Variants in ADA2 observed in about 807,000 individuals in gnomAD.
The protein encoded by ADA2 is adenosine deaminase CECR1.
ADA2 carries 29 observed loss-of-function variants against 44.2 expected under a neutral mutation model. The observed-to-expected ratio is 0.66, with a 90% CI of 0.49 to 0.89. The LOEUF is 0.89. ADA2 is among the 40% of genes least tolerant of loss of function. ADA2 has a pLI of 0.00. For synonymous variants in ADA2, 215 were observed against 234.9 expected, an observed-to-expected ratio of 0.92 and a Z score of 0.77; for missense variants, 637 against 644.8, an observed-to-expected ratio of 0.99 and a Z score of 0.13.
intron 4 of ADA2, chr22:17,193,156 G>A (rs1172228219): frequency 7.1e-6 from 10 of 1,414,114 alleles, no homozygotes; most frequent in Non-Finnish European, 9.8e-6. Context: ...ACATCAAGGA[G>A]CTGGAAGTGC....
chr22:17,218,695 G>T (rs1019759338), intron 1 of ADA2, among the ~76,000 whole-genome samples: 1 of 152,200 alleles, frequency 6.6e-6, no homozygotes, highest in Non-Finnish European at 1.5e-5. Flanking sequence ...CTGCCAGACA[G>T]AAGTTTATCT....
intron 1 of ADA2, among the ~76,000 whole-genome samples, chr22:17,210,986 A>G (rs557009434): frequency 2.6e-5 from 4 of 152,268 alleles, no homozygotes; most frequent in South Asian, 2.1e-4. Flanking sequence ...TGAGGCTGCA[A>G]TGAGCTTTGA....
At chr22:17,187,445 T>C (rs1389764870) in intron 7 of ADA2, among the ~76,000 whole-genome samples, 1 of 152,000 alleles carries the variant, frequency 6.6e-6, no homozygotes, top group African/African-American at 2.4e-5. Flanking sequence ...TGTACCATCA[T>C]GCCTGGCTAA....
intron 6 of ADA2, 56 bp from the exon 7 acceptor site, chr22:17,188,503 A>ATG: frequency 8.1e-7 from 1 of 1,235,080 alleles, no homozygotes; most frequent in African/African-American, 1.5e-5. Context: ...TCACTTGCTG[A>ATG]TGGCGCGCCC....
upstream of ADA2, chr22:17,219,629 T>G (rs1488796999): frequency 6.6e-6 from 1 of 151,866 alleles, no homozygotes; most frequent in Non-Finnish European, 1.5e-5. Flanking sequence ...TGTTTGTGTG[T>G]TCGTGTGTGT....
At chr22:17,184,055 G>A (rs1234090848) in intron 7 of ADA2, among the ~76,000 whole-genome samples, 2 of 147,962 alleles carry the variant, frequency 1.4e-5, no homozygotes, top group African/African-American at 2.5e-5. Context: ...ACTTCCCGGG[G>A]TTCATGCCAT....
chr22:17,207,782 C>G (rs1024090798), intron 2 of ADA2, among the ~76,000 whole-genome samples: 15 of 152,132 alleles, frequency 9.9e-5, no homozygotes, highest in African/African-American at 3.6e-4. Flanking sequence ...GGGATGAGCC[C>G]CAGGGCCACG....
rs375370265 is a variant in ADA2, at chr22:17,182,008, C to A, written c.1254G>T (p.Val418=). 4 of 1,613,668 alleles carry A rather than the reference C, an allele frequency of 2.5e-6. No individual in the cohort carries two copies. Among genetic ancestry groups the A allele is most frequent in the Non-Finnish European group, 3.4e-6 (4 of 1,179,754 alleles). Reference sequence around the variant, plus strand: ...CTACAGGGTGGTTCCTCAAGTCAGACACCAGTTTCAGCACCTGCGCAATAG... The same window carrying A: ...CTACAGGGTGGTTCCTCAAGTCAGAAACCAGTTTCAGCACCTGCGCAATAG... The part of the protein sequence containing the change: ...CPISNQVLKL[V]SDLRNHPVAT... Residue 418 remains valine, a synonymous_variant, in exon 9 of 10, where the codon GTG becomes GTT. Transcript: ENST00000399837.
At chr22:17,201,931 C>A (rs1305807737) in intron 4 of ADA2, among the ~76,000 whole-genome samples, 1 of 150,694 alleles carries the variant, frequency 6.6e-6, no homozygotes, top group Non-Finnish European at 1.5e-5. Context: ...TCTCTCCAAA[C>A]TTCCTTCCTT....
intron 1 of ADA2, among the ~76,000 whole-genome samples, chr22:17,219,015 G>A (rs2062499686): frequency 6.6e-6 from 1 of 152,124 alleles, no homozygotes; most frequent in South Asian, 2.1e-4. Context: ...AAATTAGCCG[G>A]GCGTGGTGGT....
intron 7 of ADA2, among the ~76,000 whole-genome samples, chr22:17,187,344 G>A (rs2062047571): frequency 6.6e-6 from 1 of 151,658 alleles, no homozygotes; most frequent in African/African-American, 2.4e-5. Flanking sequence ...TTTGAGACAG[G>A]GTCTAGCTCT....
In ADA2 at chr22:17,209,373, A is replaced by G. The variant is rs771067636; in HGVS notation, c.305T>C (p.Leu102Pro). The change falls in exon 2 of 10, where the codon CTA becomes CCA. Residue 102 changes from leucine to proline, a missense_variant. Coordinates refer to ENST00000399837, the MANE Select transcript of ADA2 (RefSeq NM_001282225.2). ...LIERSQVFNI[L>P]RMMPKGAALH... ...AACCTTACCTTTTGGCATCATCCTT[A>G]GAATATTAAACACTTGACTTCTCTC... is the stretch of plus-strand genomic sequence containing the variant. The G allele has an allele frequency of 6.2e-7, 1 of 1,613,766 alleles. No homozygotes were observed.
At chr22:17,199,446 T>TCCCTCCCCTCCACTATCCACTTCCCCA in intron 4 of ADA2, 1 of 917,624 alleles carries the variant, frequency 1.1e-6, no homozygotes, top group Non-Finnish European at 1.7e-6. Context: ...CCTCTTCCCC[T>TCCCTCCCCTCCACTATCCACTTCCCCA]CCACCCACGA....
At position 17,209,592 on chromosome 22, in the gene ADA2, G is replaced by A; in HGVS notation, c.86C>T (p.Ser29Phe). 6.2e-7 allele frequency: 1 copy of A among 1,614,052 alleles called. No individual in the cohort carries two copies. The highest frequency in any genetic ancestry group is 1.1e-5 in the South Asian group (1 of 91,066). The change falls in exon 2 of 10, where the codon TCC becomes TTC. Residue 29 changes from serine to phenylalanine, a missense_variant. Ser to Phe is a radical substitution (Grantham distance 155). Coordinates refer to ENST00000399837, the MANE Select transcript of ADA2 (RefSeq NM_001282225.2). ...VAMSFFGSAL[S>F]IDETRAHLLL... ...CAGATGCGCCCGTGTTTCATCTATG[G>A]ATAGAGCTGAGCCGAAGAAAGACAT...
rs564327428 is a variant in ADA2, at chr22:17,209,408, C to T, written c.270G>A (p.Lys90=). 18 of 1,614,142 alleles carry T rather than the reference C, an allele frequency of 1.1e-5. No homozygotes were observed. In the South Asian group the frequency reaches 1.3e-4, roughly 12 times the overall value. Residue 90 remains lysine, a synonymous_variant, in exon 2 of 10, where the codon AAG becomes AAA. Coordinates refer to ENST00000399837, the MANE Select transcript of ADA2 (RefSeq NM_001282225.2). ...FPPSMHFFQA[K]HLIERSQVFN... is the part of the protein sequence containing the mutation. ...ACACTTGACTTCTCTCAATGAGATG[C>T]TTGGCCTGGAAAAAGTGCATGCTGG...
chr22:17,188,868 A>AAAAAAAAAAAAAAAAAATATAT, intron 6 of ADA2: 1 of 81,128 alleles, frequency 1.2e-5, no homozygotes, highest in African/African-American at 4.2e-5. Context: ...AAGAGCAAAA[A>AAAAAAAAAAAAAAAAAATATAT]ATATATATAT....
intron 3 of ADA2, among the ~76,000 whole-genome samples, chr22:17,204,063 A>ATT (rs1351388878): frequency 6.6e-6 from 1 of 151,956 alleles, no homozygotes; most frequent in Non-Finnish European, 1.5e-5. Flanking sequence ...CTCCCTCTGT[A>ATT]TGCTTGGCCA....
At chr22:17,198,985 G>A (rs2062232664) in intron 4 of ADA2, among the ~76,000 whole-genome samples, 1 of 151,630 alleles carries the variant, frequency 6.6e-6, no homozygotes, top group African/African-American at 2.4e-5. Flanking sequence ...AAGGATTCTA[G>A]TGAAGACTGT....
intron 7 of ADA2, among the ~76,000 whole-genome samples, chr22:17,185,708 C>A (rs2062028299): frequency 6.6e-6 from 1 of 152,146 alleles, no homozygotes; most frequent in African/African-American, 2.4e-5. Context: ...TAAATTGGAT[C>A]TAAATTGACT....
Sources: allele counts gnomAD v4.1 joint callset (sites outside exome capture counted in the v4.1 genomes callset), GRCh38; gene constraint gnomAD v4.1.1; transcripts MANE v1.5; gene names NCBI Gene and HGNC (gene_info 2026-07-23, HGNC 2026-07-21).